Variants in SLC10A7 observed in about 807,000 individuals in gnomAD.
SLC10A7 encodes solute carrier family 10 member 7, also known as sodium/bile acid cotransporter 7.
Under a neutral mutation model 43.2 loss-of-function variants are expected in SLC10A7, and 29 were observed. That is an observed-to-expected ratio of 0.67 (90% CI 0.50 to 0.92). SLC10A7 has a LOEUF of 0.92. Ranked by LOEUF, SLC10A7 falls within the 40% of genes least tolerant of loss-of-function variation. SLC10A7 has a pLI of 0.00. For synonymous variants in SLC10A7, 152 were observed against 144.8 expected (o/e 1.05, Z -0.35); for missense variants, 295 against 403.2 (o/e 0.73, Z 2.30).
intron 1 of SLC10A7, among the ~76,000 whole-genome samples, chr4:146,518,188 AC>A (rs568941585): frequency 1.3e-3 from 195 of 152,330 alleles, no homozygotes; most frequent in African/African-American, 4.3e-3. Context: ...TAATGTGCTA[AC>A]AAAAAACAAC....
At chr4:146,381,249 CAG>C (rs2149791638) in intron 5 of SLC10A7, among the ~76,000 whole-genome samples, 1 of 152,242 alleles carries the variant, frequency 6.6e-6, no homozygotes, top group African/African-American at 2.4e-5. Context: ...TGATGTAAAA[CAG>C]AGCAACAAGT....
At chr4:146,484,495 T>G (rs187814323) in intron 4 of SLC10A7, among the ~76,000 whole-genome samples, 212 of 152,242 alleles carry the variant, frequency 1.4e-3, no homozygotes, top group Non-Finnish European at 2.5e-3. Flanking sequence ...AAATCTAAAT[T>G]TTTTTAAAAA....
intron 9 of SLC10A7, among the ~76,000 whole-genome samples, 165 bp downstream of exon 9, chr4:146,292,763 CT>C (rs777835396): frequency 9.2e-5 from 14 of 152,054 alleles, no homozygotes; most frequent in Non-Finnish European, 1.9e-4. Flanking sequence ...TTTGTAATGT[CT>C]ACAATTTGAA....
intron 5 of SLC10A7, among the ~76,000 whole-genome samples, chr4:146,389,943 T>A (rs912363853): frequency 2.1e-4 from 32 of 152,238 alleles, no homozygotes. Context: ...CCTAGCTTAA[T>A]AGATGCTCAA....
chr4:146,451,212 T>A (rs1384788180), intron 4 of SLC10A7, among the ~76,000 whole-genome samples: 1 of 115,094 alleles, frequency 8.7e-6, no homozygotes, highest in Non-Finnish European at 1.7e-5. Context: ...GTAACAAGGC[T>A]GAATCAGAAG....
At chr4:146,418,744 A>G (rs1219362938) in intron 5 of SLC10A7, among the ~76,000 whole-genome samples, 1 of 152,022 alleles carries the variant, frequency 6.6e-6, no homozygotes, top group East Asian at 1.9e-4. Context: ...CTCTAATTCA[A>G]TTCAATTCTA....
At chr4:146,401,044 C>T (rs1053695420) in intron 5 of SLC10A7, among the ~76,000 whole-genome samples, 2 of 152,116 alleles carry the variant, frequency 1.3e-5, no homozygotes, top group Admixed American at 1.3e-4. Context: ...AAACTGCAAA[C>T]ACTGGATGAC....
intron 9 of SLC10A7, among the ~76,000 whole-genome samples, chr4:146,290,468 C>A (rs1238352299): frequency 1.3e-5 from 2 of 151,692 alleles, no homozygotes; most frequent in Non-Finnish European, 2.9e-5. Context: ...TGGCAGGGGA[C>A]AGGGCGGGGA....
chr4:146,429,802 C>A (rs1213812546), intron 5 of SLC10A7, among the ~76,000 whole-genome samples: 3 of 151,518 alleles, frequency 2.0e-5, no homozygotes, highest in African/African-American at 7.3e-5. Context: ...TGGATGGGAA[C>A]AGTGCAAGCA....
intron 9 of SLC10A7, among the ~76,000 whole-genome samples, chr4:146,287,300 G>T (rs569220443): frequency 6.6e-6 from 1 of 152,284 alleles, no homozygotes; most frequent in South Asian, 2.1e-4. Context: ...ATTTGACTAT[G>T]ATTATAAAGA....
intron 4 of SLC10A7, among the ~76,000 whole-genome samples, chr4:146,473,994 T>C (rs1451112908): frequency 6.6e-6 from 1 of 152,136 alleles, no homozygotes; most frequent in East Asian, 1.9e-4. Context: ...AGAGGTGAGC[T>C]TGACCATTCT....
intron 5 of SLC10A7, among the ~76,000 whole-genome samples, chr4:146,433,666 C>T (rs964161426): frequency 6.6e-6 from 1 of 151,830 alleles, no homozygotes. Context: ...AGGAGTTCAA[C>T]ACCAGCCTGG....
chr4:146,485,079 A>G (rs779151996), intron 4 of SLC10A7, among the ~76,000 whole-genome samples: 8 of 152,230 alleles, frequency 5.3e-5, no homozygotes, highest in Non-Finnish European at 8.8e-5. Flanking sequence ...CTGGAAAAAA[A>G]TATGTAGGAA....
intron 5 of SLC10A7, among the ~76,000 whole-genome samples, chr4:146,390,399 C>T (rs931097569): frequency 5.3e-5 from 8 of 152,186 alleles, no homozygotes; most frequent in Admixed American, 2.0e-4. Context: ...GAGGCCAAGG[C>T]GGTCAGACTG....
chr4:146,424,585 A>G (rs1729190886), intron 5 of SLC10A7, among the ~76,000 whole-genome samples: 1 of 151,944 alleles, frequency 6.6e-6, no homozygotes, highest in South Asian at 2.1e-4. Context: ...GCTTGAACCC[A>G]GGAGACAGAG....
intron 6 of SLC10A7, among the ~76,000 whole-genome samples, chr4:146,320,395 G>A (rs1011839197): frequency 5.3e-5 from 8 of 151,988 alleles, no homozygotes; most frequent in Non-Finnish European, 1.2e-4. Flanking sequence ...TGAGGGCATG[G>A]GGTGAGAGTA....
At chr4:146,447,283 T>C (rs182388228) in intron 4 of SLC10A7, among the ~76,000 whole-genome samples, 1 of 152,226 alleles carries the variant, frequency 6.6e-6, no homozygotes, top group Admixed American at 6.5e-5. Context: ...AATTTTTTAA[T>C]TTTTTTGTAG....
chr4:146,341,023 A>G (rs980492699), intron 5 of SLC10A7, among the ~76,000 whole-genome samples: 3 of 151,946 alleles, frequency 2.0e-5, no homozygotes, highest in Non-Finnish European at 4.4e-5. Flanking sequence ...GCACATTAGT[A>G]TGAATCACTG....
intron 5 of SLC10A7, among the ~76,000 whole-genome samples, chr4:146,423,806 T>C (rs1029070028): frequency 6.6e-5 from 10 of 152,196 alleles, no homozygotes; most frequent in Non-Finnish European, 1.5e-5. Context: ...TTCCATGAAA[T>C]GATGACAATA....
Sources: allele counts gnomAD v4.1 joint callset (sites outside exome capture counted in the v4.1 genomes callset), GRCh38; gene constraint gnomAD v4.1.1; transcripts MANE v1.5; gene names NCBI Gene and HGNC (gene_info 2026-07-23, HGNC 2026-07-21).